The following GAD2 variants were observed in gnomAD, a reference collection of about 807,000 sequenced individuals.
GAD2 encodes the protein glutamate decarboxylase 2.
A neutral mutation model predicts 80.1 loss-of-function variants in GAD2; 22 were observed. The ratio of observed to expected loss-of-function variants is 0.27; its 90% CI spans 0.20 to 0.39. The LOEUF is 0.39. Ranked by LOEUF, GAD2 falls within the 10% of genes least tolerant of loss-of-function variation. GAD2 has a pLI of 1.00. For synonymous variants in GAD2, 274 were observed against 256.9 expected (o/e 1.07, Z -0.64); for missense variants, 624 against 738.4 (o/e 0.85, Z 1.80).
intron 11 of GAD2, among the ~76,000 whole-genome samples, chr10:26,275,031 C>T (rs1019437041): frequency 6.6e-6 from 1 of 152,210 alleles, no homozygotes; most frequent in Non-Finnish European, 1.5e-5. Context: ...TGCCAGGCCT[C>T]TGCTCTTGGA....
intron 7 of GAD2, among the ~76,000 whole-genome samples, chr10:26,235,398 G>A (rs1289280032): frequency 1.3e-5 from 2 of 152,142 alleles, no homozygotes; most frequent in Admixed American, 1.3e-4. Flanking sequence ...CTCTGTCTCT[G>A]TTGCACCCCA....
chr10:26,270,657 C>T lies in GAD2; in HGVS notation c.993C>T (p.Leu331=), dbSNP rs752124028. The change falls in exon 10 of 16, where the codon CTC becomes CTT. Residue 331 remains leucine, a synonymous_variant. Coordinates refer to ENST00000376261, the MANE Select transcript of GAD2 (RefSeq NM_001134366.2). ...EAKQKGFVPF[L]VSATAGTTVY... ...TCGCACAGGGGTTTGTTCCTTTCCT[C>T]GTGAGTGCCACAGCTGGAACCACCG... 29 of 1,613,588 alleles carry T rather than the reference C, an allele frequency of 1.8e-5. No homozygotes were observed. Among genetic ancestry groups the T allele is most frequent in the Admixed American group, 5.0e-5 (3 of 59,982 alleles).
At chr10:26,245,845 C>A in intron 7 of GAD2, 76 bp from the exon 8 acceptor site, 3 of 1,186,522 alleles carry the variant, frequency 2.5e-6, no homozygotes, top group Non-Finnish European at 3.7e-6. Context: ...AAAAGGAAAA[C>A]AGAAAACAAA....
At chr10:26,222,468 G>C (rs1370787766) in intron 4 of GAD2, among the ~76,000 whole-genome samples, 3 of 152,046 alleles carry the variant, frequency 2.0e-5, no homozygotes, top group Non-Finnish European at 1.5e-5. Flanking sequence ...GATTTCAGCT[G>C]CGAGCATAAT....
At chr10:26,277,586 C>T (rs1415077214) in intron 11 of GAD2, among the ~76,000 whole-genome samples, 2 of 152,156 alleles carry the variant, frequency 1.3e-5, no homozygotes, top group Non-Finnish European at 2.9e-5. Context: ...CTATTAAGCT[C>T]TTAGGAACGT....
rs149618343 is a variant in GAD2, at chr10:26,224,904, T to C, written c.724+253T>C. 2.6e-4 allele frequency: 112 copies of C among 434,512 alleles called. No homozygotes were observed. In the East Asian group the frequency reaches 4.7e-3, roughly 18 times the overall value. The allele number at this position is 434,512 out of a possible 1,614,324, so 26.9% of individuals were successfully genotyped here. ...AGAGATGGTACTTACCCAGTGCTTC[T>C]ACTGTGACCCTACAAACAGGATGTA... On this transcript the variant is annotated intron_variant, in intron 6 of 15. Transcript: ENST00000376261.
chr10:26,273,518 G>T (rs1262213306), intron 10 of GAD2, 118 bp from the exon 11 acceptor site: 14 of 772,546 alleles, frequency 1.8e-5, no homozygotes, highest in Admixed American at 1.1e-4. Context: ...CCAGAAGGAG[G>T]TGGTCAACTT....
At position 26,281,005 on chromosome 10, in the gene GAD2, T is replaced by A; in HGVS notation, c.1158-4T>A. 6.2e-7 allele frequency: 1 copy of A among 1,613,230 alleles called. No individual in the cohort carries two copies. The highest frequency in any genetic ancestry group is 1.3e-5 in the African/African-American group (1 of 75,032). ...CACCCGCTTATGTGATTTCTTTATTTTAGGGCCAACTCTGTGACGTGGAAT... is the reference window on the plus strand; with the variant it reads ...CACCCGCTTATGTGATTTCTTTATTATAGGGCCAACTCTGTGACGTGGAAT... On this transcript the variant is annotated splice_region_variant and splice_polypyrimidine_tract_variant and intron_variant, in intron 11 of 15. Transcript: ENST00000376261.
At chr10:26,218,972 CCTCATCAAGAT>C (rs1390468214) in intron 3 of GAD2, 60 bp from the exon 4 acceptor site, 2 of 1,110,070 alleles carry the variant, frequency 1.8e-6, no homozygotes, top group African/African-American at 3.2e-5. Flanking sequence ...AATGTTATTG[CCTCATCAAGAT>C]CTTGCCTTGA....
chr10:26,229,737 T>C lies in GAD2; in HGVS notation c.800T>C (p.Met267Thr). The change falls in exon 7 of 16, where the codon ATG becomes ACG. Residue 267 changes from methionine to threonine, a missense_variant. Met to Thr is a moderately conservative substitution (Grantham distance 81, BLOSUM62 -1). Transcript: ENST00000376261. The part of the protein sequence containing the change: ...KMFPEVKEKG[M>T]AALPRLIAFT... ...TTCCCAGAAGTCAAGGAGAAAGGAA[T>C]GGCTGCTCTTCCCAGGCTCATTGCC... The C allele has an allele frequency of 1.2e-6, 2 of 1,614,122 alleles. No individual in the cohort carries two copies. Among genetic ancestry groups the C allele is most frequent in the Non-Finnish European group, 1.7e-6 (2 of 1,179,976 alleles).
At chr10:26,273,725 A>G (rs766008453) in intron 11 of GAD2, 25 bp downstream of exon 11, 2 of 1,598,874 alleles carry the variant, frequency 1.3e-6, no homozygotes, top group East Asian at 4.5e-5. Context: ...TCTTATTAAC[A>G]ACATAAAGTG....
intron 8 of GAD2, among the ~76,000 whole-genome samples, chr10:26,255,434 C>A (rs1373344926): frequency 6.6e-6 from 1 of 151,942 alleles, no homozygotes; most frequent in Non-Finnish European, 1.5e-5. Flanking sequence ...CTAATACAGG[C>A]AAGGTCCAGG....
chr10:26,281,145 C>T (rs1233852281), intron 12 of GAD2, 58 bp downstream of exon 12: 5 of 1,234,210 alleles, frequency 4.1e-6, no homozygotes, highest in East Asian at 2.3e-5. Context: ...TGTCTTTATG[C>T]GGTTGACTTT....
intron 15 of GAD2, among the ~76,000 whole-genome samples, chr10:26,299,728 A>G (rs1834309792): frequency 6.6e-6 from 1 of 152,250 alleles, no homozygotes; most frequent in African/African-American, 2.4e-5. Context: ...GTAGGAAATT[A>G]GCATATAGTC....
chr10:26,296,976 G>A (rs1012432947), intron 15 of GAD2, among the ~76,000 whole-genome samples: 2 of 151,914 alleles, frequency 1.3e-5, no homozygotes, highest in African/African-American at 4.8e-5. Flanking sequence ...GTACAGTGGT[G>A]CCATCTCGGC....
At chr10:26,281,200 C>A in intron 12 of GAD2, 113 bp downstream of exon 12, 1 of 697,638 alleles carries the variant, frequency 1.4e-6, no homozygotes, top group South Asian at 1.8e-5. Flanking sequence ...TGGTCCTACT[C>A]ACATTCCCCA....
intron 7 of GAD2, among the ~76,000 whole-genome samples, chr10:26,231,806 A>C (rs1230347404): frequency 6.6e-6 from 1 of 152,062 alleles, no homozygotes; most frequent in Non-Finnish European, 1.5e-5. Flanking sequence ...TTTTTGGTTC[A>C]TCTTCAGAAC....
rs1316167956 is a variant in GAD2 at position 26,300,779 on chromosome 10, G to C, written c.1585-9G>C. On this transcript the variant is annotated splice_polypyrimidine_tract_variant and intron_variant, in intron 15 of 15. Transcript: ENST00000376261. ...GAAAGTCACCATGCTGATATGGTCT[G>C]TCCCACAGGTGGCTCCAGTGATTAA... The C allele has an allele frequency of 2.4e-5, 39 of 1,612,820 alleles. No individual in the cohort carries two copies. The highest frequency in any genetic ancestry group is 3.2e-5 in the Non-Finnish European group (38 of 1,179,198).
Position 26,292,525 on chromosome 10 carries a change from A to G in GAD2, c.1447A>G (p.Asn483Asp), listed in dbSNP as rs1040140100. The G allele has an allele frequency of 6.2e-7, 1 of 1,614,078 alleles. No homozygotes were observed. Among genetic ancestry groups the G allele is most frequent in the Non-Finnish European group, 8.5e-7 (1 of 1,179,950 alleles). ...TTTGGAGTTGGCAGAGTATTTATAC[A>G]ACATCATAAAAAACCGAGAAGGATA... ...KCLELAEYLYNIIKNREGYEM... is the reference protein window; with the variant it reads ...KCLELAEYLYDIIKNREGYEM... Residue 483 changes from asparagine (N) to aspartate (D), a missense_variant, in exon 14 of 16, where the codon AAC (asparagine) becomes GAC (aspartate). Coordinates refer to ENST00000376261, the MANE Select transcript of GAD2 (RefSeq NM_001134366.2).
Sources: allele counts gnomAD v4.1 joint callset (sites outside exome capture counted in the v4.1 genomes callset), GRCh38; gene constraint gnomAD v4.1.1; transcripts MANE v1.5; gene names NCBI Gene and HGNC (gene_info 2026-07-23, HGNC 2026-07-21).